The following GLB1 variants were observed in gnomAD, a reference collection of about 807,000 sequenced individuals.
The protein encoded by GLB1 is galactosidase beta 1, also known as beta-galactosidase.
Under a neutral mutation model 74.0 loss-of-function variants are expected in GLB1, and 56 were observed. That is an observed-to-expected ratio of 0.76 (90% CI 0.61 to 0.94). The LOEUF (loss-of-function observed/expected upper bound fraction) is 0.94. Among genes scored for constraint, GLB1 ranks in the 40% least tolerant of loss-of-function variants. The pLI, the probability that GLB1 is intolerant of heterozygous loss-of-function variation, is 0.00. For synonymous variants in GLB1, 323 were observed against 323.6 expected, an observed-to-expected ratio of 1.00 and a Z score of 0.02; for missense variants, 787 against 845.5, an observed-to-expected ratio of 0.93 and a Z score of 0.86.
intron 15 of GLB1, among the ~76,000 whole-genome samples, chr3:33,005,864 T>C (rs1006275743): frequency 2.8e-4 from 42 of 152,212 alleles, no homozygotes; most frequent in Non-Finnish European, 5.9e-5. Context: ...TTATCATACA[T>C]TGTTTTATTT....
chr3:33,030,024 T>C (rs1320785870), intron 10 of GLB1: 1 of 151,768 alleles, frequency 6.6e-6, no homozygotes, highest in Non-Finnish European at 1.5e-5. Flanking sequence ...AAACAAAATG[T>C]GACTAACTTG....
At chr3:32,994,704 T>C (rs1420903298), downstream of GLB1, among the ~76,000 whole-genome samples, 2 of 152,056 alleles carry the variant, frequency 1.3e-5, no homozygotes, top group Admixed American at 1.3e-4. Context: ...GTGGATAACC[T>C]GAGGTCAGGA....
intron 1 of GLB1, among the ~76,000 whole-genome samples, chr3:33,074,389 G>GAAGGAAGAAAGAAAGAAAAAGA (rs1553612831): frequency 2.6e-5 from 1 of 38,884 alleles, no homozygotes. Flanking sequence ...AGGAAGGAAG[G>GAAGGAAGAAAGAAAGAAAAAGA]AAGAAAGAAA....
chr3:32,980,151 A>G, the GLB1 span, among the ~76,000 whole-genome samples: 4 of 152,264 alleles, frequency 2.6e-5, no homozygotes, highest in Non-Finnish European at 5.9e-5. Context: ...CAATAAGGAC[A>G]TTAGCACTAT....
At chr3:33,024,974 T>G (rs930832206) in intron 10 of GLB1, among the ~76,000 whole-genome samples, 2 of 151,550 alleles carry the variant, frequency 1.3e-5, no homozygotes, top group African/African-American at 4.9e-5. Context: ...AGACGAAGTC[T>G]CGGTCTTGTT....
chr3:33,018,370 A>C, intron 13 of GLB1, 78 bp downstream of exon 13: 1 of 1,406,528 alleles, frequency 7.1e-7, no homozygotes, highest in Non-Finnish European at 9.9e-7. Flanking sequence ...AAAGACCCCA[A>C]ATGCTGTGTT....
At chr3:32,979,520 CT>C in the GLB1 span, among the ~76,000 whole-genome samples, 7 of 149,670 alleles carry the variant, frequency 4.7e-5, no homozygotes, top group Admixed American at 2.0e-4. Flanking sequence ...GGTGTTTTTT[CT>C]TTTTTTTTCA....
chr3:33,030,785 A>C, intron 10 of GLB1: 2 of 985,412 alleles, frequency 2.0e-6, no homozygotes, highest in Non-Finnish European at 1.2e-6. Context: ...CCAAAACATC[A>C]GCGGAACTCT....
chr3:33,074,401 A>G (rs1174662027), intron 1 of GLB1, among the ~76,000 whole-genome samples: 4 of 138,484 alleles, frequency 2.9e-5, no homozygotes, highest in African/African-American at 5.1e-5. Context: ...AGAAAGAAAG[A>G]AAGAAAGAAT....
chr3:33,027,060 A>G (rs944376047), intron 10 of GLB1, among the ~76,000 whole-genome samples: 1 of 152,212 alleles, frequency 6.6e-6, no homozygotes, highest in African/African-American at 2.4e-5. Context: ...AAAAGGAGAG[A>G]AGAGCTATGG....
In GLB1 at chr3:33,006,418, A is replaced by AC. The variant is rs143512922; in HGVS notation, c.1734+7637dup. 3.2e-4 allele frequency among the ~76,000 whole-genome samples: 47 copies of AC among 148,684 alleles called. 1 individual carries two copies. The highest frequency in any genetic ancestry group is 1.2e-3 in the African/African-American group (47 of 40,350). ...ACAGTTTCATCCCAAAACCATTTCCACCCCCCCACCCCTGACCACACAGTC... is the reference window on the plus strand; with the variant it reads ...ACAGTTTCATCCCAAAACCATTTCCACCCCCCCCACCCCTGACCACACAGTC... On this transcript the variant is annotated intron_variant, in intron 15 of 15. Coordinates refer to ENST00000307363, the MANE Select transcript of GLB1 (RefSeq NM_000404.4).
At chr3:33,064,707 G>A (rs142882834) in intron 5 of GLB1, among the ~76,000 whole-genome samples, 2 of 143,512 alleles carry the variant, frequency 1.4e-5, no homozygotes, top group South Asian at 2.2e-4. Context: ...AACTCAGAAG[G>A]CAGAGGTTGC....
At chr3:33,055,661 G>C (rs1437835616) in intron 6 of GLB1, among the ~76,000 whole-genome samples, 4 of 151,112 alleles carry the variant, frequency 2.6e-5, no homozygotes, top group Non-Finnish European at 5.9e-5. Flanking sequence ...TGGAGATGGG[G>C]TTTCACCATG....
chr3:33,014,709 G>A (rs1457823448), intron 14 of GLB1, among the ~76,000 whole-genome samples: 2 of 152,206 alleles, frequency 1.3e-5, no homozygotes, highest in African/African-American at 4.8e-5. Flanking sequence ...GCTCATGCCT[G>A]TAATCCCAGC....
chr3:33,090,342 A>G (rs1700696252), intron 1 of GLB1: 1 of 952,012 alleles, frequency 1.1e-6, no homozygotes. Context: ...ATGCTTGTTA[A>G]AGCTGGGAGA....
In GLB1 at chr3:33,018,530, A is replaced by C. The variant is rs758203004; in HGVS notation, c.1265T>G (p.Leu422Arg). 2 of 1,614,032 alleles carry C rather than the reference A, an allele frequency of 1.2e-6. No individual in the cohort carries two copies. The highest frequency in any genetic ancestry group is 1.7e-6 in the Non-Finnish European group (2 of 1,180,020). Residue 422 changes from leucine to arginine, a missense_variant, in exon 13 of 16, where the codon CTT becomes CGT. By Grantham distance (102) the Leu-to-Arg change is moderately radical (BLOSUM62 -2). Coordinates refer to ENST00000307363, the MANE Select transcript of GLB1 (RefSeq NM_000404.4). ...HYGFVLYRTT[L>R]PQDCSNPAPL... ...TGCTGGGTTGCTGCAATCTTGAGGA[A>C]GTGTTGTCCGGTACAGCACAAACCC...
intron 1 of GLB1, among the ~76,000 whole-genome samples, chr3:33,087,526 T>C (rs1262024744): frequency 6.6e-6 from 1 of 151,052 alleles, no homozygotes; most frequent in South Asian, 2.1e-4. Flanking sequence ...CCCAAGATCA[T>C]GCCTCTGCAC....
chr3:32,985,746 C>T, the GLB1 span, among the ~76,000 whole-genome samples: 9 of 152,144 alleles, frequency 5.9e-5, no homozygotes, highest in South Asian at 4.1e-4. Context: ...CACTCTGTTA[C>T]GCAGATTTCA....
At chr3:32,990,010 C>A in the GLB1 span, among the ~76,000 whole-genome samples, 4 of 152,150 alleles carry the variant, frequency 2.6e-5, no homozygotes, top group Non-Finnish European at 5.9e-5. Flanking sequence ...CTTCAGAGGA[C>A]AAAAGATATG....
Sources: allele counts gnomAD v4.1 joint callset (sites outside exome capture counted in the v4.1 genomes callset), GRCh38; gene constraint gnomAD v4.1.1; transcripts MANE v1.5; gene names NCBI Gene and HGNC (gene_info 2026-07-23, HGNC 2026-07-21).